NINL: variants seen among roughly 807,000 people sequenced by gnomAD.
NINL encodes ninein-like protein.
In NINL, 153 loss-of-function variants were observed where a neutral mutation model predicts 160.3. The ratio of observed to expected loss-of-function variants is 0.95; its 90% CI spans 0.84 to 1.09. The LOEUF is 1.09. Among genes scored for constraint, NINL ranks in the 50% least tolerant of loss-of-function variants. NINL has a pLI of 0.00. For synonymous variants in NINL, 800 were observed against 734.8 expected, an observed-to-expected ratio of 1.09 and a Z score of -1.43; for missense variants, 1,829 against 1,764.0, an observed-to-expected ratio of 1.04 and a Z score of -0.66.
At chr20:25,504,280 C>T (rs934922656) in intron 6 of NINL, among the ~76,000 whole-genome samples, 176 bp from the exon 7 acceptor site, 3 of 152,158 alleles carry the variant, frequency 2.0e-5, no homozygotes, top group Non-Finnish European at 4.4e-5. Context: ...CCAAGCCGAC[C>T]CCTCCCTCTA....
chr20:25,520,782 A>G (rs1252231227), intron 2 of NINL, among the ~76,000 whole-genome samples: 1 of 152,230 alleles, frequency 6.6e-6, no homozygotes, highest in Admixed American at 6.5e-5. Context: ...GCTCACTTTT[A>G]GGATATGTCT....
intron 1 of NINL, among the ~76,000 whole-genome samples, chr20:25,571,873 A>G (rs977835658): frequency 6.7e-6 from 1 of 149,752 alleles, no homozygotes; most frequent in Non-Finnish European, 1.5e-5. Flanking sequence ...GTCTGAAAAA[A>G]AAAAAAAAAA....
intron 1 of NINL, among the ~76,000 whole-genome samples, chr20:25,554,391 C>T (rs1352290911): frequency 6.6e-6 from 1 of 152,064 alleles, no homozygotes; most frequent in Non-Finnish European, 1.5e-5. Context: ...AACTTTCTGC[C>T]ACCTGGAAGG....
At chr20:25,557,561 C>T (rs1292376881) in intron 1 of NINL, among the ~76,000 whole-genome samples, 1 of 151,624 alleles carries the variant, frequency 6.6e-6, no homozygotes, top group Admixed American at 6.6e-5. Context: ...AAAAAGAGTA[C>T]AGTATTAATT....
intron 2 of NINL, among the ~76,000 whole-genome samples, chr20:25,518,483 C>G (rs2064202948): frequency 1.3e-5 from 2 of 152,160 alleles, no homozygotes; most frequent in African/African-American, 4.8e-5. Context: ...TCTCTTTTAA[C>G]AAGAAACTAC....
intron 1 of NINL, among the ~76,000 whole-genome samples, chr20:25,562,758 C>G (rs2064958766): frequency 6.7e-6 from 1 of 150,162 alleles, no homozygotes; most frequent in Non-Finnish European, 1.5e-5. Context: ...GAGAAACACC[C>G]AAGAATGATC....
chr20:25,516,872 A>C (rs114903413), intron 3 of NINL, among the ~76,000 whole-genome samples: 2 of 152,068 alleles, frequency 1.3e-5, no homozygotes, highest in African/African-American at 4.8e-5. Context: ...TGCACACACA[A>C]GGGCCCAGGA....
At chr20:25,543,180 C>T (rs780501621) in intron 1 of NINL, among the ~76,000 whole-genome samples, 54 of 152,304 alleles carry the variant, frequency 3.5e-4, no homozygotes, top group Non-Finnish European at 7.3e-4. Flanking sequence ...CACACACCCC[C>T]CTCCCAAATA....
At chr20:25,453,719 T>G in intron 23 of NINL, 77 bp from the exon 24 acceptor site, 1 of 1,367,142 alleles carries the variant, frequency 7.3e-7, no homozygotes, top group South Asian at 1.4e-5. Flanking sequence ...TCTTTTATCC[T>G]CCCAGGTTTA....
chr20:25,469,736 T>C (rs538055877), intron 18 of NINL, among the ~76,000 whole-genome samples: 1 of 152,254 alleles, frequency 6.6e-6, no homozygotes, highest in Non-Finnish European at 1.5e-5. Context: ...GTCCCGACCA[T>C]GCTGTGGGCA....
At chr20:25,503,901 G>A (rs749419030) in intron 7 of NINL, 51 bp downstream of exon 7, 14 of 1,605,604 alleles carry the variant, frequency 8.7e-6, no homozygotes. Flanking sequence ...TTAGTCACCA[G>A]AGAGTGACAG....
At chr20:25,508,832 T>C (rs536408520) in intron 5 of NINL, among the ~76,000 whole-genome samples, 2 of 152,042 alleles carry the variant, frequency 1.3e-5, no homozygotes, top group South Asian at 2.1e-4. Context: ...GCACCGTACA[T>C]GCCTGGCTGC....
At chr20:25,497,891 G>A (rs894448799) in intron 9 of NINL, among the ~76,000 whole-genome samples, 4 of 152,212 alleles carry the variant, frequency 2.6e-5, no homozygotes, top group African/African-American at 9.6e-5. Context: ...ACCTCAACAA[G>A]TGGGAGGAAA....
At chr20:25,460,613 G>A (rs1181883249) in intron 21 of NINL, among the ~76,000 whole-genome samples, 1 of 152,168 alleles carries the variant, frequency 6.6e-6, no homozygotes, top group East Asian at 1.9e-4. Flanking sequence ...AATAGGCAGA[G>A]CACCTCTGGA....
Position 25,504,948 on chromosome 20 carries a change from C to T in NINL, c.648G>A (p.Leu216=). The change falls in exon 6 of 24, where the codon CTG becomes CTA. Residue 216 remains leucine, a synonymous_variant. Transcript: ENST00000278886. Reference sequence around the variant, plus strand: ...AGACCACAGCCAGCTCCTGCTCGCTCAGGTGTCCGCTGCTGCCCACCCCCA... The same window carrying T: ...AGACCACAGCCAGCTCCTGCTCGCTTAGGTGTCCGCTGCTGCCCACCCCCA... The part of the protein sequence containing the change: ...EELGVGSSGH[L]SEQELAVVCQ... The T allele has an allele frequency of 6.2e-7, 1 of 1,612,962 alleles. No individual in the cohort carries two copies. Among genetic ancestry groups the T allele is most frequent in the Non-Finnish European group, 8.5e-7 (1 of 1,179,996 alleles).
intron 10 of NINL, among the ~76,000 whole-genome samples, chr20:25,493,781 T>C (rs2063690127): frequency 6.6e-6 from 1 of 151,692 alleles, no homozygotes. Context: ...TACCGCTTCC[T>C]AACAAAATGC....
In NINL at chr20:25,489,855, C is replaced by T. The variant is rs2063585794; in HGVS notation, c.1596+20G>A. 1.2e-6 allele frequency: 2 copies of T among 1,610,398 alleles called. No individual in the cohort carries two copies. Among genetic ancestry groups the T allele is most frequent in the Non-Finnish European group, 1.7e-6 (2 of 1,176,744 alleles). ...GCAGGCCCTCCCCTCTGGAGGCAGA[C>T]TGTCAGCAAAGGGACTCGCCTTGTC... On this transcript the variant is annotated intron_variant, in intron 12 of 23. Coordinates refer to ENST00000278886, the MANE Select transcript of NINL (RefSeq NM_025176.6).
chr20:25,502,179 A>C (rs1309886631), intron 7 of NINL, among the ~76,000 whole-genome samples: 1 of 152,028 alleles, frequency 6.6e-6, no homozygotes, highest in Non-Finnish European at 1.5e-5. Flanking sequence ...ACAGGGTTTT[A>C]CCATGTTAGC....
chr20:25,468,725 G>A (rs1379954571), intron 18 of NINL, among the ~76,000 whole-genome samples: 1 of 100,476 alleles, frequency 1.0e-5, no homozygotes, highest in African/African-American at 4.0e-5. Context: ...TCCCCTGACT[G>A]TCACTGGTAG....
Sources: allele counts gnomAD v4.1 joint callset (sites outside exome capture counted in the v4.1 genomes callset), GRCh38; gene constraint gnomAD v4.1.1; transcripts MANE v1.5; gene names NCBI Gene and HGNC (gene_info 2026-07-23, HGNC 2026-07-21).